CHRM3: variants seen among roughly 807,000 people sequenced by gnomAD.
The protein encoded by CHRM3 is cholinergic receptor muscarinic 3.
In CHRM3, 11 loss-of-function variants were observed where a neutral mutation model predicts 41.8. That is an observed-to-expected ratio of 0.26 (90% confidence interval 0.17 to 0.44). The LOEUF is 0.44. Among genes scored for constraint, CHRM3 ranks in the 20% least tolerant of loss-of-function variants. CHRM3 has a pLI of 1.00. For missense variants in CHRM3, 571 were observed against 745.4 expected (o/e 0.77, Z 2.72); for synonymous variants, 297 against 301.4 (o/e 0.99, Z 0.15).
At chr1:239,848,433 T>C (rs1254688540) in intron 6 of CHRM3, among the ~76,000 whole-genome samples, 2 of 152,166 alleles carry the variant, frequency 1.3e-5, no homozygotes, top group African/African-American at 4.8e-5. Flanking sequence ...TGATTTTATA[T>C]GATTTTAATG....
At chr1:239,888,428 A>G (rs928560658) in intron 6 of CHRM3, among the ~76,000 whole-genome samples, 1 of 151,972 alleles carries the variant, frequency 6.6e-6, no homozygotes, top group Admixed American at 6.6e-5. Flanking sequence ...CTGTCACTCA[A>G]AAAACATTTT....
intron 4 of CHRM3, among the ~76,000 whole-genome samples, chr1:239,667,627 A>G (rs1673944124): frequency 6.6e-6 from 1 of 152,140 alleles, no homozygotes; most frequent in Non-Finnish European, 1.5e-5. Flanking sequence ...GTTCTCAGAG[A>G]AGCACCTCTT....
At chr1:239,455,924 G>C (rs1266306834) in intron 1 of CHRM3, among the ~76,000 whole-genome samples, 1 of 152,194 alleles carries the variant, frequency 6.6e-6, no homozygotes, top group Non-Finnish European at 1.5e-5. Flanking sequence ...GGGATGACAA[G>C]CATTGACAAG....
chr1:239,646,353 C>A (rs61834781), intron 4 of CHRM3, among the ~76,000 whole-genome samples: 5,073 of 152,196 alleles, frequency 0.033, 125 homozygotes, highest in Admixed American at 0.059. Context: ...AAGCTATACA[C>A]GTATTTTTTA....
intron 1 of CHRM3, among the ~76,000 whole-genome samples, chr1:239,453,950 A>G (rs751467133): frequency 2.0e-5 from 3 of 152,204 alleles, no homozygotes; most frequent in African/African-American, 4.8e-5. Flanking sequence ...AGAAAGTCTT[A>G]GCCAGGTTGA....
In CHRM3 at chr1:239,914,332, A is replaced by T. The variant is rs1680531370; in HGVS notation, c.*5108A>T. On this transcript the variant is annotated 3_prime_UTR_variant, in exon 7 of 7. Coordinates refer to ENST00000676153, the MANE Select transcript of CHRM3 (RefSeq NM_001375978.1). ...AATTGCATATATTCAATAAATGTTG[A>T]ATATCTAATAACCTCCTTATTAATA... The T allele has an allele frequency of 6.0e-6, 1 of 167,050 alleles. No individual in the cohort carries two copies. Among genetic ancestry groups the T allele is most frequent in the African/African-American group, 2.4e-5 (1 of 41,432 alleles). The allele number at this position is 167,050 out of a possible 1,614,324, so 10.3% of individuals were successfully genotyped here. A position where few individuals can be genotyped will look rare whatever the true frequency, so the allele number is the denominator to read the frequency against.
intron 6 of CHRM3, among the ~76,000 whole-genome samples, chr1:239,837,323 A>G (rs1341369831): frequency 6.6e-6 from 1 of 152,188 alleles, no homozygotes; most frequent in Non-Finnish European, 1.5e-5. Flanking sequence ...AGCACCTAGA[A>G]TCGCAAAATG....
chr1:239,827,042 A>C (rs1453740194), intron 5 of CHRM3: 1 of 152,240 alleles, frequency 6.6e-6, no homozygotes, highest in Admixed American at 6.5e-5. Flanking sequence ...GCAAAGTTAC[A>C]AATTCAAGGC....
intron 6 of CHRM3, among the ~76,000 whole-genome samples, chr1:239,851,554 A>C (rs771623224): frequency 6.6e-6 from 1 of 152,192 alleles, no homozygotes; most frequent in African/African-American, 2.4e-5. Flanking sequence ...AAGGATCCCA[A>C]ATTTGACCAC....
chr1:239,407,217 G>A (rs1009732694), intron 1 of CHRM3, among the ~76,000 whole-genome samples: 1 of 151,970 alleles, frequency 6.6e-6, no homozygotes, highest in Non-Finnish European at 1.5e-5. Context: ...AATGCCATCC[G>A]ATCAGGCTGC....
intron 2 of CHRM3, among the ~76,000 whole-genome samples, chr1:239,536,124 A>T (rs191173077): frequency 6.6e-6 from 1 of 152,288 alleles, no homozygotes; most frequent in African/African-American, 2.4e-5. Context: ...GAGTCAAGGA[A>T]GCAGTGACAA....
intron 2 of CHRM3, among the ~76,000 whole-genome samples, chr1:239,515,206 C>A (rs1005773118): frequency 1.3e-5 from 2 of 151,660 alleles, no homozygotes; most frequent in Non-Finnish European, 2.9e-5. Flanking sequence ...ATATTCAAAT[C>A]TAAAGTTCTT....
intron 3 of CHRM3, among the ~76,000 whole-genome samples, chr1:239,618,635 G>T (rs899931949): frequency 2.6e-5 from 4 of 151,546 alleles, no homozygotes; most frequent in Non-Finnish European, 5.9e-5. Flanking sequence ...ACGAGGTCAG[G>T]AGATCGAGAC....
chr1:239,548,787 C>T (rs1232223190), intron 3 of CHRM3, among the ~76,000 whole-genome samples: 5 of 152,168 alleles, frequency 3.3e-5, no homozygotes, highest in Non-Finnish European at 7.3e-5. Flanking sequence ...ATACTTCTAG[C>T]CCTTCAATGC....
chr1:239,726,127 A>G (rs868530612), intron 5 of CHRM3, among the ~76,000 whole-genome samples: 3 of 152,032 alleles, frequency 2.0e-5, no homozygotes, highest in South Asian at 2.1e-4. Context: ...AGTAATTCCA[A>G]CAATGCCTTT....
At chr1:239,535,586 T>C (rs1275275955) in intron 2 of CHRM3, among the ~76,000 whole-genome samples, 1 of 151,614 alleles carries the variant, frequency 6.6e-6, no homozygotes, top group Non-Finnish European at 1.5e-5. Flanking sequence ...ACAGTCTTGT[T>C]AGTAAATTAT....
chr1:239,401,052 G>A (rs1217673806), intron 1 of CHRM3, among the ~76,000 whole-genome samples: 1 of 152,134 alleles, frequency 6.6e-6, no homozygotes, highest in Admixed American at 6.6e-5. Flanking sequence ...ACAACCCAAG[G>A]GTCTAGGCTT....
intron 6 of CHRM3, among the ~76,000 whole-genome samples, chr1:239,904,410 G>T (rs1011939974): frequency 2.0e-5 from 3 of 152,202 alleles, no homozygotes; most frequent in African/African-American, 7.2e-5. Flanking sequence ...CAGAGACAGG[G>T]TGTTGACCTG....
chr1:239,809,018 C>CGTTT (rs1670891090), intron 5 of CHRM3, among the ~76,000 whole-genome samples: 1 of 98,370 alleles, frequency 1.0e-5, no homozygotes, highest in Non-Finnish European at 2.0e-5. Context: ...CTCTGAAGTC[C>CGTTT]ATTTTTTTTT....
Sources: gnomAD v4.1 joint callset for allele counts (sites outside exome capture counted in the v4.1 genomes callset) on GRCh38, gnomAD v4.1.1 for gene constraint, MANE v1.5 for transcripts, NCBI Gene and HGNC (gene_info 2026-07-23, HGNC 2026-07-21) for gene names.